Variants in KIF3B observed in about 807,000 individuals in gnomAD.
KIF3B encodes the protein kinesin family member 3B.
A neutral mutation model predicts 74.3 loss-of-function variants in KIF3B; 38 were observed. The observed-to-expected ratio is 0.51, with a 90% CI of 0.39 to 0.67. KIF3B has a LOEUF of 0.67. Ranked by LOEUF, KIF3B falls within the 30% of genes least tolerant of loss-of-function variation. KIF3B has a pLI of 0.00. For missense variants in KIF3B, 649 were observed against 932.0 expected (o/e 0.70, Z 3.95); for synonymous variants, 326 against 342.5 (o/e 0.95, Z 0.53).
At chr20:32,322,690 T>TTTATATATTTA (rs1569207550) in intron 5 of KIF3B, among the ~76,000 whole-genome samples, 7 of 53,708 alleles carry the variant, frequency 1.3e-4, no homozygotes, top group African/African-American at 5.2e-4. Context: ...TTATATATAT[T>TTTATATATTTA]TATATATATT....
In KIF3B at chr20:32,331,518, CT is replaced by C; in HGVS notation, c.*203del. 3 of 553,890 alleles carry C rather than the reference CT, an allele frequency of 5.4e-6. No individual in the cohort carries two copies. The highest frequency in any genetic ancestry group is 9.4e-6 in the Non-Finnish European group (3 of 319,072). 34.3% of individuals were successfully genotyped at this position (553,890 alleles called of 1,614,324 possible). ...GGCACTCAGCCCCTCTGGGAAACAT[CT>C]TTTAATTAGCATCTCAGAAATGCAT... On this transcript the variant is annotated 3_prime_UTR_variant, in exon 9 of 9. Transcript: ENST00000375712.
chr20:32,298,891 C>G (rs1461167976), intron 1 of KIF3B, among the ~76,000 whole-genome samples: 1 of 152,148 alleles, frequency 6.6e-6, no homozygotes, highest in Non-Finnish European at 1.5e-5. Flanking sequence ...CTTCTGAACT[C>G]AAGTGATCAT....
At chr20:32,316,104 T>G in intron 2 of KIF3B, 114 bp from the exon 3 acceptor site, 1 of 685,308 alleles carries the variant, frequency 1.5e-6, no homozygotes, top group Non-Finnish European at 2.6e-6. Flanking sequence ...TTTCCCAGAG[T>G]TTGTCCCTTT....
intron 5 of KIF3B, among the ~76,000 whole-genome samples, chr20:32,320,896 T>A (rs753431694): frequency 2.2e-4 from 34 of 152,166 alleles, no homozygotes; most frequent in Non-Finnish European, 4.6e-4. Flanking sequence ...TTATGAATAA[T>A]GCTGCTGTGA....
At chr20:32,294,134 A>G (rs770318567) in intron 1 of KIF3B, among the ~76,000 whole-genome samples, 1 of 150,152 alleles carries the variant, frequency 6.7e-6, no homozygotes, top group Non-Finnish European at 1.5e-5. Flanking sequence ...TTGATTCTGA[A>G]TAGTAGGTGT....
rs1276024978 is a variant in KIF3B, at chr20:32,331,485, C to T, written c.*166C>T. ...ACTTAATCTGGTTGAACGTGCTGTTCCTAATCTGGCACTCAGCCCCTCTGG... is the reference window on the plus strand; with the variant it reads ...ACTTAATCTGGTTGAACGTGCTGTTTCTAATCTGGCACTCAGCCCCTCTGG... On this transcript the variant is annotated 3_prime_UTR_variant, in exon 9 of 9. Coordinates refer to ENST00000375712, the MANE Select transcript of KIF3B (RefSeq NM_004798.4). 2 of 575,670 alleles carry T rather than the reference C, an allele frequency of 3.5e-6. No individual in the cohort carries two copies. The highest frequency in any genetic ancestry group is 6.0e-6 in the Non-Finnish European group (2 of 331,852). The allele number at this position is 575,670 out of a possible 1,614,324, so 35.7% of individuals were successfully genotyped here.
rs372630471 is a variant in KIF3B, at chr20:32,325,441, C to T, written c.1749-1330C>T. Among the ~76,000 whole-genome samples, 6 of 152,006 alleles carry T rather than the reference C, an allele frequency of 3.9e-5. No individual in the cohort carries two copies. The East Asian group carries it at 7.8e-4, about 20-fold the overall frequency. On this transcript the variant is annotated intron_variant, in intron 5 of 8. Transcript: ENST00000375712. ...CTGACCTCAGGTGATCCACCCACCT[C>T]GGCCTCCCGAAGCACTGAGATTACA...
At position 32,310,445 on chromosome 20, in the gene KIF3B, T is replaced by C. The variant is rs1411601882; in HGVS notation, c.668T>C (p.Ile223Thr). The C allele has an allele frequency of 1.2e-6, 2 of 1,614,126 alleles. No individual in the cohort carries two copies. The highest frequency in any genetic ancestry group is 2.2e-5 in the East Asian group (1 of 44,882). ...SRSHAIFVIT[I>T]ECSEVGLDGE... is the part of the protein sequence containing the mutation. The stretch of plus-strand genomic sequence containing the variant: ...TCTCATGCAATTTTCGTTATCACTA[T>C]TGAGTGCAGCGAGGTGGGCCTCGAT... The change falls in exon 2 of 9, where the codon ATT becomes ACT. Residue 223 changes from isoleucine (I) to threonine (T), a missense_variant. Ile to Thr is a moderately conservative substitution (Grantham distance 89). This residue lies in a region of KIF3B where 363 missense variants were observed against 592.8 expected (regional missense o/e 0.61). Transcript: ENST00000375712. The surrounding 1 kb of genome is among the most constrained non-coding windows in gnomAD (Gnocchi z 6.5).
intron 5 of KIF3B, among the ~76,000 whole-genome samples, chr20:32,320,814 G>A (rs993755299): frequency 2.0e-5 from 3 of 151,962 alleles, no homozygotes; most frequent in Non-Finnish European, 4.4e-5. Context: ...ATATTCTGTT[G>A]TATAAATATA....
chr20:32,281,034 T>C (rs2047640707), intron 1 of KIF3B, among the ~76,000 whole-genome samples: 1 of 152,204 alleles, frequency 6.6e-6, no homozygotes, highest in African/African-American at 2.4e-5. Flanking sequence ...CTCAGATTGC[T>C]TCCTAAGCCT....
intron 7 of KIF3B, among the ~76,000 whole-genome samples, chr20:32,328,013 A>T (rs1426533564): frequency 2.0e-5 from 3 of 151,946 alleles, no homozygotes; most frequent in Non-Finnish European, 4.4e-5. Flanking sequence ...AGGTGGGAGG[A>T]TTACCTGAGC....
At chr20:32,297,792 G>T (rs2047723229) in intron 1 of KIF3B, among the ~76,000 whole-genome samples, 1 of 152,142 alleles carries the variant, frequency 6.6e-6, no homozygotes, top group African/African-American at 2.4e-5. Flanking sequence ...TGTTTCCAGA[G>T]AAGTGGATTT....
chr20:32,286,602 T>G (rs2122656203), intron 1 of KIF3B, among the ~76,000 whole-genome samples: 1 of 152,286 alleles, frequency 6.6e-6, no homozygotes, highest in South Asian at 2.1e-4. Flanking sequence ...AATAATAAAC[T>G]TCCATTGAGT....
chr20:32,309,558 T>C (rs1183835434), intron 1 of KIF3B, among the ~76,000 whole-genome samples, 155 bp from the exon 2 acceptor site: 2 of 152,296 alleles, frequency 1.3e-5, no homozygotes, highest in Middle Eastern at 3.4e-3. Context: ...CCACTGAAGC[T>C]GGTTAAGATC....
intron 2 of KIF3B, among the ~76,000 whole-genome samples, chr20:32,314,420 GT>G (rs1256298636): frequency 6.6e-6 from 1 of 152,042 alleles, no homozygotes; most frequent in East Asian, 1.9e-4. Context: ...TGCACCTGTA[GT>G]TCCAGCTACT....
chr20:32,293,868 G>T (rs2047704301), intron 1 of KIF3B, among the ~76,000 whole-genome samples: 1 of 152,130 alleles, frequency 6.6e-6, no homozygotes, highest in Admixed American at 6.6e-5. Flanking sequence ...TATATATCAG[G>T]TGTTTTAAAA....
At chr20:32,296,998 T>A (rs2047720041) in intron 1 of KIF3B, among the ~76,000 whole-genome samples, 1 of 151,960 alleles carries the variant, frequency 6.6e-6, no homozygotes, top group South Asian at 2.1e-4. Context: ...AGGAGTAGTG[T>A]TGATGGTGAT....
chr20:32,322,796 A>G (rs370023618), intron 5 of KIF3B, among the ~76,000 whole-genome samples: 63 of 45,972 alleles, frequency 1.4e-3, no homozygotes, highest in African/African-American at 6.3e-3. Flanking sequence ...ATATTTATAT[A>G]TATATTTATA....
intron 1 of KIF3B, among the ~76,000 whole-genome samples, chr20:32,306,503 G>T (rs192323422): frequency 3.1e-4 from 47 of 151,224 alleles, no homozygotes; most frequent in Admixed American, 2.3e-3. Flanking sequence ...ATTAATGATT[G>T]TGGGATTGAA....
Sources: allele counts gnomAD v4.1 joint callset (sites outside exome capture counted in the v4.1 genomes callset), GRCh38; gene constraint gnomAD v4.1.1; regional missense constraint gnomAD v4.1.1; non-coding constraint Gnocchi (gnomAD v3.1); transcripts MANE v1.5; gene names NCBI Gene and HGNC (gene_info 2026-07-23, HGNC 2026-07-21).